Variants in GRIK1 observed in about 807,000 individuals in gnomAD.
The protein encoded by GRIK1 is glutamate receptor ionotropic, kainate 1.
In GRIK1, 69 loss-of-function variants were observed where a neutral mutation model predicts 105.7. The ratio of observed to expected loss-of-function variants is 0.65; its 90% CI spans 0.54 to 0.80. The LOEUF is 0.80. GRIK1 is among the 30% of genes least tolerant of loss of function. The pLI, the probability that GRIK1 is intolerant of heterozygous loss-of-function variation, is 0.00. For synonymous variants in GRIK1, 438 were observed against 431.3 expected (o/e 1.02, Z -0.19); for missense variants, 1,109 against 1,167.3 (o/e 0.95, Z 0.73).
chr21:29,855,353 C>T (rs577082313), intron 1 of GRIK1, among the ~76,000 whole-genome samples: 243 of 152,324 alleles, frequency 1.6e-3, no homozygotes, highest in African/African-American at 5.7e-3. Context: ...CTGTCTGCAA[C>T]TTCAGATGGC....
chr21:29,715,732 C>A (rs1320572137), intron 1 of GRIK1, among the ~76,000 whole-genome samples: 1 of 150,446 alleles, frequency 6.6e-6, no homozygotes, highest in African/African-American at 2.5e-5. Flanking sequence ...ATTACAAATG[C>A]TTCCCAACAC....
chr21:29,846,944 C>A (rs368945922), intron 1 of GRIK1, among the ~76,000 whole-genome samples: 2 of 152,086 alleles, frequency 1.3e-5, no homozygotes, highest in African/African-American at 4.8e-5. Flanking sequence ...TATTCAAATA[C>A]ACATGTCAAG....
At chr21:29,689,499 A>C (rs2063544701) in intron 3 of GRIK1, among the ~76,000 whole-genome samples, 1 of 152,224 alleles carries the variant, frequency 6.6e-6, no homozygotes, top group Admixed American at 6.5e-5. Flanking sequence ...CTTTTAAAAA[A>C]AAGTTCCCAT....
chr21:29,762,567 T>A (rs1301308051), intron 1 of GRIK1, among the ~76,000 whole-genome samples: 4 of 152,184 alleles, frequency 2.6e-5, no homozygotes, highest in African/African-American at 9.7e-5. Flanking sequence ...GGTAAATAAC[T>A]TTTCAGGGGC....
chr21:29,709,744 A>G (rs1321574998), intron 1 of GRIK1, among the ~76,000 whole-genome samples: 2 of 151,640 alleles, frequency 1.3e-5, no homozygotes, highest in Admixed American at 6.6e-5. Context: ...TTCACAGTTG[A>G]GTTTGATCTT....
chr21:29,598,969 T>G (rs1182292043), intron 7 of GRIK1, 32 bp from the exon 8 acceptor site: 1 of 937,492 alleles, frequency 1.1e-6, no homozygotes. Context: ...GCTGTTATTG[T>G]TAAACATTTA....
intron 7 of GRIK1, among the ~76,000 whole-genome samples, chr21:29,637,591 C>T (rs925183079): frequency 1.2e-4 from 18 of 152,192 alleles, no homozygotes; most frequent in African/African-American, 4.3e-4. Context: ...TTGAGAGATT[C>T]CTTGCCCCTT....
chr21:29,541,118 C>G (rs2089961931), intron 16 of GRIK1, among the ~76,000 whole-genome samples: 1 of 152,162 alleles, frequency 6.6e-6, no homozygotes, highest in South Asian at 2.1e-4. Context: ...CAGGTGCGCG[C>G]CACCACACGC....
At position 29,815,021 on chromosome 21, in the gene GRIK1, T is replaced by C. The variant is rs572415136; in HGVS notation, c.119-120958A>G. 2.0e-5 allele frequency among the ~76,000 whole-genome samples: 3 copies of C among 152,250 alleles called. 1 individual carries two copies. The highest frequency in any genetic ancestry group is 7.2e-5 in the African/African-American group (3 of 41,562). Reference sequence around the variant, plus strand: ...TTATAAGCTTGTTTTGAGTATTAAATGAGTTAATGCATGGAAATAATGCCT... The same window carrying C: ...TTATAAGCTTGTTTTGAGTATTAAACGAGTTAATGCATGGAAATAATGCCT... On this transcript the variant is annotated intron_variant, in intron 1 of 17. Transcript: ENST00000327783.
intron 16 of GRIK1, among the ~76,000 whole-genome samples, chr21:29,539,460 T>C (rs2089935114): frequency 6.6e-6 from 1 of 152,182 alleles, no homozygotes; most frequent in Non-Finnish European, 1.5e-5. Context: ...AATGGTTGTA[T>C]GGGCACTTAA....
At chr21:29,601,991 T>C (rs2061527675) in intron 7 of GRIK1, among the ~76,000 whole-genome samples, 1 of 152,242 alleles carries the variant, frequency 6.6e-6, no homozygotes, top group Non-Finnish European at 1.5e-5. Flanking sequence ...TTTTAACCCA[T>C]AATTTCTCAA....
chr21:29,747,415 A>C (rs2065072796), intron 1 of GRIK1, among the ~76,000 whole-genome samples: 1 of 152,218 alleles, frequency 6.6e-6, no homozygotes, highest in South Asian at 2.1e-4. Flanking sequence ...TCAGGAAGGA[A>C]ATCTCCAATT....
chr21:29,755,356 C>T (rs1193674459), intron 1 of GRIK1, among the ~76,000 whole-genome samples: 3 of 152,228 alleles, frequency 2.0e-5, no homozygotes, highest in South Asian at 2.1e-4. Flanking sequence ...GGGATGAGAA[C>T]ATCAGCATCA....
intron 1 of GRIK1, among the ~76,000 whole-genome samples, chr21:29,813,563 T>C (rs537197390): frequency 9.9e-5 from 15 of 152,282 alleles, no homozygotes; most frequent in African/African-American, 3.6e-4. Flanking sequence ...AAATTTGGTA[T>C]TGCTGAGTAT....
At chr21:29,815,051 C>T (rs754562151) in intron 1 of GRIK1, among the ~76,000 whole-genome samples, 2 of 152,086 alleles carry the variant, frequency 1.3e-5, no homozygotes, top group Non-Finnish European at 1.5e-5. Context: ...ATGCCTTGTT[C>T]CCAATAAGTG....
At chr21:29,804,580 G>GT (rs2066808158) in intron 1 of GRIK1, among the ~76,000 whole-genome samples, 1 of 152,118 alleles carries the variant, frequency 6.6e-6, no homozygotes, top group Non-Finnish European at 1.5e-5. Context: ...TGAGGCTAAT[G>GT]TTTTTTGCAC....
chr21:29,610,366 G>A (rs188893694), intron 7 of GRIK1, among the ~76,000 whole-genome samples: 39 of 152,192 alleles, frequency 2.6e-4, no homozygotes, highest in Non-Finnish European at 2.6e-4. Flanking sequence ...AGATCATCCC[G>A]GATTATCTGG....
At chr21:29,564,085 A>G (rs191766411) in intron 14 of GRIK1, among the ~76,000 whole-genome samples, 44 of 152,342 alleles carry the variant, frequency 2.9e-4, no homozygotes, top group Non-Finnish European at 5.4e-4. Context: ...TTAATATGAA[A>G]TAGGAATCAA....
intron 4 of GRIK1, among the ~76,000 whole-genome samples, chr21:29,665,871 T>C (rs1281605496): frequency 6.6e-6 from 1 of 152,212 alleles, no homozygotes; most frequent in African/African-American, 2.4e-5. Context: ...TCCTCATCTA[T>C]GACAAAGACT....
Sources: allele counts gnomAD v4.1 joint callset (sites outside exome capture counted in the v4.1 genomes callset), GRCh38; gene constraint gnomAD v4.1.1; transcripts MANE v1.5; gene names NCBI Gene and HGNC (gene_info 2026-07-23, HGNC 2026-07-21).